The following CALCR variants were observed in gnomAD, a reference collection of about 807,000 sequenced individuals.
The protein encoded by CALCR is calcitonin receptor.
Under a neutral mutation model 59.5 loss-of-function variants are expected in CALCR, and 47 were observed. The ratio of observed to expected loss-of-function variants is 0.79; its 90% CI spans 0.63 to 1.01. The LOEUF is 1.01. Among genes scored for constraint, CALCR ranks in the 50% least tolerant of loss-of-function variants. The probability of loss-of-function intolerance (pLI) is 0.00; values close to 1 mark genes in which losing one functional copy is unlikely to be tolerated. For missense variants in CALCR, 566 were observed against 597.1 expected (o/e 0.95, Z 0.54); for synonymous variants, 213 against 211.3 (o/e 1.01, Z -0.07).
At chr7:93,436,714 T>G (rs752464348) in intron 11 of CALCR, among the ~76,000 whole-genome samples, 3 of 152,220 alleles carry the variant, frequency 2.0e-5, no homozygotes, top group African/African-American at 7.2e-5. Context: ...ATGAAGATAC[T>G]CAACATAATG....
intron 2 of CALCR, among the ~76,000 whole-genome samples, chr7:93,555,628 T>C (rs1789579771): frequency 6.6e-6 from 1 of 152,176 alleles, no homozygotes; most frequent in Non-Finnish European, 1.5e-5. Context: ...ATGGGAAACA[T>C]TGAATTCCAA....
At chr7:93,481,605 G>C (rs1800799097) in intron 3 of CALCR, among the ~76,000 whole-genome samples, 1 of 151,806 alleles carries the variant, frequency 6.6e-6, no homozygotes, top group Non-Finnish European at 1.5e-5. Flanking sequence ...TTTTGGGTTA[G>C]ATTTGGAGAT....
At chr7:93,434,396 A>AAC in intron 12 of CALCR, 102 bp from the exon 13 acceptor site, 1 of 717,988 alleles carries the variant, frequency 1.4e-6, no homozygotes, top group Admixed American at 2.6e-5. Flanking sequence ...GATGAAAAAA[A>AAC]AAAAAAGCAA....
intron 2 of CALCR, among the ~76,000 whole-genome samples, chr7:93,507,751 C>CAAAAAA (rs562704303): frequency 1.9e-5 from 1 of 52,046 alleles, no homozygotes; most frequent in Non-Finnish European, 4.6e-5. Flanking sequence ...ACTAAAAATA[C>CAAAAAA]AAAAAAAAAA....
intron 2 of CALCR, among the ~76,000 whole-genome samples, chr7:93,558,630 A>C (rs546616029): frequency 7.9e-5 from 12 of 152,196 alleles, no homozygotes; most frequent in Non-Finnish European, 1.2e-4. Context: ...GAATAAAAAA[A>C]CCTTTTTTTT....
intron 2 of CALCR, among the ~76,000 whole-genome samples, chr7:93,543,863 T>C (rs896835796): frequency 6.6e-6 from 1 of 152,154 alleles, no homozygotes; most frequent in Non-Finnish European, 1.5e-5. Context: ...TTTAATTGTA[T>C]TTTTTCTTCT....
intron 3 of CALCR, among the ~76,000 whole-genome samples, chr7:93,486,623 T>G (rs1800949987): frequency 6.6e-6 from 1 of 151,484 alleles, no homozygotes; most frequent in African/African-American, 2.4e-5. Context: ...ACATTTTACC[T>G]GAGAATATTA....
At chr7:93,454,488 T>A (rs1410749012) in intron 8 of CALCR, among the ~76,000 whole-genome samples, 4 of 151,838 alleles carry the variant, frequency 2.6e-5, no homozygotes, top group Non-Finnish European at 5.9e-5. Context: ...ATAAAAAAAA[T>A]TAGAGAGAAA....
chr7:93,565,194 C>G (rs7801063), intron 2 of CALCR, among the ~76,000 whole-genome samples: 53,162 of 151,974 alleles, frequency 0.35, 12,154 homozygotes, highest in African/African-American at 0.65. Context: ...GTTTTCATGG[C>G]AGAACTATTA....
chr7:93,430,192 C>T (rs568844871), intron 13 of CALCR, among the ~76,000 whole-genome samples: 1 of 152,262 alleles, frequency 6.6e-6, no homozygotes, highest in East Asian at 1.9e-4. Flanking sequence ...GCCTTGGCCT[C>T]CCAAAGTGCT....
intron 2 of CALCR, among the ~76,000 whole-genome samples, chr7:93,564,020 T>A (rs1242035928): frequency 6.6e-6 from 1 of 152,220 alleles, no homozygotes; most frequent in Admixed American, 6.5e-5. Flanking sequence ...ACCATTATTG[T>A]TATTATTGAA....
intron 2 of CALCR, among the ~76,000 whole-genome samples, chr7:93,527,642 C>A (rs1292658129): frequency 6.6e-6 from 1 of 152,208 alleles, no homozygotes; most frequent in Middle Eastern, 3.4e-3. Flanking sequence ...AGAAACAGCA[C>A]AATCAACATA....
intron 2 of CALCR, among the ~76,000 whole-genome samples, chr7:93,520,162 G>A (rs1296254991): frequency 3.3e-5 from 5 of 151,838 alleles, no homozygotes; most frequent in African/African-American, 1.2e-4. Context: ...AATGGAATAT[G>A]AAAAAAAGAT....
Position 93,555,821 on chromosome 7 carries a change from A to T in CALCR, c.-27+18468T>A, listed in dbSNP as rs576322785. On this transcript the variant is annotated intron_variant, in intron 2 of 13. Transcript: ENST00000426151. Reference sequence around the variant, plus strand: ...AAGAACTTGATAGGAAGGAAACTAGACTTGGGCTGATCAGTGGACAGATAT... The same window carrying T: ...AAGAACTTGATAGGAAGGAAACTAGTCTTGGGCTGATCAGTGGACAGATAT... 2.2e-3 allele frequency among the ~76,000 whole-genome samples: 337 copies of T among 152,300 alleles called. 2 individuals are homozygous for T. Among genetic ancestry groups the T allele is most frequent in the Middle Eastern group, 0.014 (4 of 294 alleles).
chr7:93,567,960 T>C (rs1406831145), intron 2 of CALCR, among the ~76,000 whole-genome samples: 1 of 152,192 alleles, frequency 6.6e-6, no homozygotes, highest in Non-Finnish European at 1.5e-5. Flanking sequence ...TCATTATTAT[T>C]GAGGGCAGGG....
chr7:93,539,894 C>T (rs1055315821), intron 2 of CALCR, among the ~76,000 whole-genome samples: 1 of 152,068 alleles, frequency 6.6e-6, no homozygotes, highest in Admixed American at 6.6e-5. Context: ...TTTGTGGGGC[C>T]CCCGTCCACT....
intron 7 of CALCR, among the ~76,000 whole-genome samples, chr7:93,466,738 C>T (rs1185002310): frequency 6.6e-6 from 1 of 151,748 alleles, no homozygotes; most frequent in Non-Finnish European, 1.5e-5. Flanking sequence ...ACTTTCTAGA[C>T]AATCTGCCCC....
intron 8 of CALCR, among the ~76,000 whole-genome samples, chr7:93,448,455 T>C (rs550902408): frequency 6.6e-6 from 1 of 152,110 alleles, no homozygotes; most frequent in African/African-American, 2.4e-5. Flanking sequence ...AAACAGTGGC[T>C]AAGTTTGATG....
At chr7:93,431,484 G>A (rs1215467116) in intron 13 of CALCR, among the ~76,000 whole-genome samples, 1 of 152,138 alleles carries the variant, frequency 6.6e-6, no homozygotes, top group Non-Finnish European at 1.5e-5. Context: ...ATAGGGCTGT[G>A]GCTTCATCAA....
Sources: gnomAD v4.1 joint callset for allele counts (sites outside exome capture counted in the v4.1 genomes callset) on GRCh38, gnomAD v4.1.1 for gene constraint, MANE v1.5 for transcripts, NCBI Gene and HGNC (gene_info 2026-07-23, HGNC 2026-07-21) for gene names.